Variants in HMGCLL1 observed in about 807,000 individuals in gnomAD.
HMGCLL1 encodes the protein 3-hydroxymethyl-3-methylglutaryl-CoA lyase, cytoplasmic.
Under a neutral mutation model 39.1 loss-of-function variants are expected in HMGCLL1, and 36 were observed. That is an observed-to-expected ratio of 0.92 (90% CI 0.71 to 1.22). The LOEUF (loss-of-function observed/expected upper bound fraction) is 1.22, where lower values mean the gene tolerates loss of function less well. HMGCLL1 is among the 50% of genes most tolerant of loss of function. The pLI is 0.00. For missense variants in HMGCLL1, 451 were observed against 416.5 expected (o/e 1.08, Z -0.72); for synonymous variants, 149 against 144.0 (o/e 1.03, Z -0.25).
chr6:55,644,366 CTGTT>C, the HMGCLL1 span, among the ~76,000 whole-genome samples: 3 of 151,936 alleles, frequency 2.0e-5, no homozygotes, highest in South Asian at 6.2e-4. Context: ...ACTTTGTTGA[CTGTT>C]TGCTTTGCTG....
intron 1 of HMGCLL1, among the ~76,000 whole-genome samples, chr6:55,578,255 G>T (rs1771852446): frequency 6.6e-6 from 1 of 152,106 alleles, no homozygotes; most frequent in Admixed American, 6.5e-5. Context: ...AGATTTTCAA[G>T]TTTTTTAAGG....
At chr6:55,496,358 C>T (rs1174746961) in intron 6 of HMGCLL1, among the ~76,000 whole-genome samples, 4 of 151,866 alleles carry the variant, frequency 2.6e-5, no homozygotes, top group Non-Finnish European at 5.9e-5. Context: ...GTAGATAGTG[C>T]CATTCTCATT....
the HMGCLL1 span, among the ~76,000 whole-genome samples, chr6:55,588,755 C>A: frequency 1.3e-5 from 2 of 152,006 alleles, no homozygotes; most frequent in East Asian, 3.9e-4. Flanking sequence ...ATACAAACTA[C>A]CATCAGAGAA....
At chr6:55,587,245 G>GT in the HMGCLL1 span, among the ~76,000 whole-genome samples, 3 of 151,926 alleles carry the variant, frequency 2.0e-5, no homozygotes, top group Non-Finnish European at 4.4e-5. Flanking sequence ...GGGGTTGTTT[G>GT]TTTTTTTCTT....
chr6:55,543,187 T>TAATATA (rs1769624619), intron 1 of HMGCLL1, among the ~76,000 whole-genome samples: 1 of 12,722 alleles, frequency 7.9e-5, no homozygotes, highest in Non-Finnish European at 1.7e-4. Context: ...ATATAATATA[T>TAATATA]AATATATTAT....
chr6:55,649,635 A>C, the HMGCLL1 span, among the ~76,000 whole-genome samples: 2 of 151,920 alleles, frequency 1.3e-5, no homozygotes, highest in Non-Finnish European at 2.9e-5. Context: ...CAAGGCCTGG[A>C]AAGTTGTCTG....
intron 1 of HMGCLL1, among the ~76,000 whole-genome samples, chr6:55,555,700 A>G (rs1770615445): frequency 6.6e-6 from 1 of 152,242 alleles, no homozygotes; most frequent in African/African-American, 2.4e-5. Flanking sequence ...AAAACTAACA[A>G]GAATTCACTA....
At chr6:55,493,139 CT>C (rs1766400122) in intron 7 of HMGCLL1, among the ~76,000 whole-genome samples, 1 of 151,914 alleles carries the variant, frequency 6.6e-6, no homozygotes, top group African/African-American at 2.4e-5. Context: ...ACCTGCAGTG[CT>C]ACTAACCCAT....
chr6:55,571,929 G>A (rs1010041949), intron 1 of HMGCLL1, among the ~76,000 whole-genome samples: 1 of 152,050 alleles, frequency 6.6e-6, no homozygotes, highest in African/African-American at 2.4e-5. Context: ...AAACAATAGA[G>A]AAATGGGCAG....
In HMGCLL1 at chr6:55,480,820, G is replaced by A. The variant is rs1160811899; in HGVS notation, c.795+14599C>T. On this transcript the variant is annotated intron_variant, in intron 7 of 8. Transcript: ENST00000274901. ...CAGCCATAAAAAAGAATGAGATCCC[G>A]TTATTTGCAACGACATGGGTGGAAC... Among the ~76,000 whole-genome samples the A allele has an allele frequency of 2.0e-5, 3 of 148,190 alleles. 1 individual carries two copies. Among genetic ancestry groups the A allele is most frequent in the Admixed American group, 6.6e-5 (1 of 15,086 alleles).
intron 5 of HMGCLL1, 37 bp downstream of exon 5, chr6:55,514,011 C>A (rs757603663): frequency 1.3e-6 from 2 of 1,588,612 alleles, no homozygotes; most frequent in South Asian, 2.3e-5. Context: ...TAACAATAAA[C>A]ATTAACAAAA....
intron 3 of HMGCLL1, among the ~76,000 whole-genome samples, chr6:55,539,548 G>C (rs1355245048): frequency 6.6e-6 from 1 of 152,008 alleles, no homozygotes; most frequent in African/African-American, 2.4e-5. Flanking sequence ...GGATACGGAT[G>C]AAGCTGGAGG....
intron 5 of HMGCLL1, 123 bp from the exon 6 acceptor site, chr6:55,499,422 T>G (rs1581861338): frequency 3.1e-6 from 2 of 640,048 alleles, no homozygotes; most frequent in East Asian, 3.0e-5. Context: ...ACTTTATTAT[T>G]ATTTTGTCAT....
the HMGCLL1 span, among the ~76,000 whole-genome samples, chr6:55,610,438 C>A: frequency 1.3e-5 from 2 of 151,520 alleles, no homozygotes; most frequent in Admixed American, 6.6e-5. Flanking sequence ...AATATCAGAG[C>A]TTGAAGACTA....
chr6:55,513,908 T>A (rs1038109150), intron 5 of HMGCLL1, 140 bp downstream of exon 5: 37 of 699,336 alleles, frequency 5.3e-5, no homozygotes, highest in Non-Finnish European at 8.1e-5. Context: ...AACTATATAG[T>A]GATTACCCTG....
intron 1 of HMGCLL1, among the ~76,000 whole-genome samples, chr6:55,547,464 G>A (rs545276294): frequency 1.3e-5 from 2 of 151,948 alleles, no homozygotes; most frequent in South Asian, 4.1e-4. Context: ...TTTTCCCCTA[G>A]GAAAATAACA....
At chr6:55,581,965 C>T (rs1161790896), upstream of HMGCLL1, among the ~76,000 whole-genome samples, 17 of 152,168 alleles carry the variant, frequency 1.1e-4, no homozygotes, top group Non-Finnish European at 1.0e-4. Context: ...TTATTCTTGA[C>T]TTCCTTCTCT....
chr6:55,653,427 G>C, the HMGCLL1 span, among the ~76,000 whole-genome samples: 2 of 151,960 alleles, frequency 1.3e-5, no homozygotes, highest in Non-Finnish European at 2.9e-5. Context: ...GGATTTTCAA[G>C]AGGCAGATCT....
chr6:55,564,138 T>C (rs1222117381), intron 1 of HMGCLL1, among the ~76,000 whole-genome samples: 2 of 152,112 alleles, frequency 1.3e-5, no homozygotes, highest in East Asian at 3.9e-4. Context: ...AATGAAAATA[T>C]ACTGAAGCTC....
Sources: gnomAD v4.1 joint callset for allele counts (sites outside exome capture counted in the v4.1 genomes callset) on GRCh38, gnomAD v4.1.1 for gene constraint, MANE v1.5 for transcripts, NCBI Gene and HGNC (gene_info 2026-07-23, HGNC 2026-07-21) for gene names.